LOC400499: variants seen among roughly 807,000 people sequenced by gnomAD.
chr16:11,446,499 T>G, the LOC400499 span: 1 of 1,504,914 alleles, frequency 6.6e-7, no homozygotes, highest in Non-Finnish European at 8.9e-7. Context: ...TGACAGCAAC[T>G]TGAACCAGGG....
At chr16:11,437,198 T>G in the LOC400499 span, among the ~76,000 whole-genome samples, 1 of 152,144 alleles carries the variant, frequency 6.6e-6, no homozygotes, top group African/African-American at 2.4e-5. Flanking sequence ...AGAGGATTTT[T>G]TAGGGCAGGG....
chr16:11,506,618 C>T, the LOC400499 span, among the ~76,000 whole-genome samples: 2 of 152,270 alleles, frequency 1.3e-5, no homozygotes, highest in Middle Eastern at 6.8e-3. Context: ...TGCACCCTTG[C>T]TTCCTCCTCC....
At chr16:11,507,701 G>A in the LOC400499 span, among the ~76,000 whole-genome samples, 1 of 152,216 alleles carries the variant, frequency 6.6e-6, no homozygotes, top group African/African-American at 2.4e-5. Flanking sequence ...GCAAGCTGAG[G>A]TGGGAGGACT....
At chr16:11,443,646 G>A in the LOC400499 span, among the ~76,000 whole-genome samples, 11 of 151,936 alleles carry the variant, frequency 7.2e-5, no homozygotes, top group Non-Finnish European at 7.4e-5. Context: ...ATTTTACAAC[G>A]CTACATTGTA....
the LOC400499 span, among the ~76,000 whole-genome samples, chr16:11,410,136 C>G: frequency 7.4e-6 from 1 of 134,668 alleles, no homozygotes; most frequent in Non-Finnish European, 1.6e-5. Context: ...AGAGCAAGAC[C>G]CTGTCTCAAA....
At chr16:11,428,245 C>G in the LOC400499 span, among the ~76,000 whole-genome samples, 7 of 149,820 alleles carry the variant, frequency 4.7e-5, no homozygotes, top group Non-Finnish European at 2.9e-5. Flanking sequence ...CGTAATCTCT[C>G]ACTGCAACCT....
At chr16:11,488,094 G>A in the LOC400499 span, among the ~76,000 whole-genome samples, 2 of 147,704 alleles carry the variant, frequency 1.4e-5, no homozygotes, top group African/African-American at 5.1e-5. Context: ...TCCAGCCTGG[G>A]CAATAGGGCG....
At chr16:11,510,005 AC>A in the LOC400499 span, among the ~76,000 whole-genome samples, 2 of 148,782 alleles carry the variant, frequency 1.3e-5, no homozygotes, top group Non-Finnish European at 3.0e-5. Context: ...GTCACACATC[AC>A]CTTGTCAAAA....
the LOC400499 span, among the ~76,000 whole-genome samples, chr16:11,510,471 C>G: frequency 2.6e-5 from 4 of 151,772 alleles, no homozygotes; most frequent in African/African-American, 4.9e-5. Flanking sequence ...TCCTTCATTA[C>G]TTTCTCAGAG....
chr16:11,505,737 C>T, the LOC400499 span, among the ~76,000 whole-genome samples: 7,552 of 152,054 alleles, frequency 0.05, 477 homozygotes, highest in African/African-American at 0.14. Flanking sequence ...GTGTGAGCCA[C>T]TGTGCCCGGC....
chr16:11,474,374 A>G, the LOC400499 span, among the ~76,000 whole-genome samples: 63 of 152,338 alleles, frequency 4.1e-4, no homozygotes, highest in African/African-American at 1.5e-3. Flanking sequence ...TTAATGTAAC[A>G]ACCTACCCTT....
At chr16:11,409,571 C>T in the LOC400499 span, among the ~76,000 whole-genome samples, 1 of 152,188 alleles carries the variant, frequency 6.6e-6, no homozygotes, top group African/African-American at 2.4e-5. Context: ...ATTAAAAAGA[C>T]ATGGCAACTA....
chr16:11,391,752 G>A, the LOC400499 span: 58 of 1,232,060 alleles, frequency 4.7e-5, no homozygotes, highest in Middle Eastern at 2.8e-3. Flanking sequence ...CTGGCTCCGG[G>A]CCCACAAAGT....
At chr16:11,447,590 C>A in the LOC400499 span, among the ~76,000 whole-genome samples, 1 of 152,122 alleles carries the variant, frequency 6.6e-6, no homozygotes, top group East Asian at 1.9e-4. Context: ...AGCCCGCAGT[C>A]CAAGATGGCT....
At chr16:11,526,394 AT>A in the LOC400499 span, among the ~76,000 whole-genome samples, 1 of 152,206 alleles carries the variant, frequency 6.6e-6, no homozygotes, top group East Asian at 1.9e-4. Context: ...CACAAAAAAT[AT>A]TTTTTAAAGA....
the LOC400499 span, among the ~76,000 whole-genome samples, chr16:11,463,636 C>G: frequency 2.4e-3 from 361 of 152,114 alleles, no homozygotes; most frequent in African/African-American, 8.4e-3. Flanking sequence ...ACAGATATGT[C>G]TACACGTGGA....
chr16:11,453,788 T>C, the LOC400499 span, among the ~76,000 whole-genome samples: 2 of 151,326 alleles, frequency 1.3e-5, no homozygotes, highest in East Asian at 1.9e-4. Context: ...GGCAACATAC[T>C]GAGACCCCAT....
the LOC400499 span, among the ~76,000 whole-genome samples, chr16:11,384,680 G>C: frequency 6.6e-6 from 1 of 152,162 alleles, no homozygotes; most frequent in African/African-American, 2.4e-5. Context: ...GGGACAGAAA[G>C]CCCTGGGCCT....
chr16:11,497,262 G>C, the LOC400499 span, among the ~76,000 whole-genome samples: 1 of 152,214 alleles, frequency 6.6e-6, no homozygotes, highest in African/African-American at 2.4e-5. Context: ...GTCTTGGCGT[G>C]TGCATCTCAC....
Sources: gnomAD v4.1 joint callset for allele counts (sites outside exome capture counted in the v4.1 genomes callset) on GRCh38, gnomAD v4.1.1 for gene constraint, MANE v1.5 for transcripts.